The following NME8 variants were observed in gnomAD, a reference collection of about 807,000 sequenced individuals.
NME8 encodes NME/NM23 family member 8, also known as protein NME8.
A neutral mutation model predicts 82.3 loss-of-function variants in NME8; 72 were observed. That is an observed-to-expected ratio of 0.87 (90% CI 0.72 to 1.06). The LOEUF (loss-of-function observed/expected upper bound fraction) is 1.06, where lower values mean the gene tolerates loss of function less well. Ranked by LOEUF, NME8 falls within the 50% of genes least tolerant of loss-of-function variation. NME8 has a pLI of 0.00. For synonymous variants in NME8, 267 were observed against 228.5 expected (o/e 1.17, Z -1.52); for missense variants, 712 against 685.4 (o/e 1.04, Z -0.43).
chr7:37,866,852 G>T (rs773146445), intron 10 of NME8, among the ~76,000 whole-genome samples: 3 of 152,170 alleles, frequency 2.0e-5, no homozygotes, highest in Non-Finnish European at 4.4e-5. Context: ...GGAGACATGA[G>T]ACATCAATCA....
Position 37,867,866 on chromosome 7 carries a change from T to C in NME8, c.786T>C (p.Val262=), listed in dbSNP as rs779108426. Residue 262 remains valine, a synonymous_variant, in exon 11 of 18, where the codon GTT becomes GTC. Coordinates refer to ENST00000199447, the MANE Select transcript of NME8 (RefSeq NM_016616.5). ...SEDQPEVEAQ[V]TPGMMKNKQD... is the part of the protein sequence containing the mutation. ...ATCAACCTGAGGTCGAAGCCCAGGTTACACCTGGAATGATGAAGAACAAAC... is the reference window on the plus strand; with the variant it reads ...ATCAACCTGAGGTCGAAGCCCAGGTCACACCTGGAATGATGAAGAACAAAC... 13 of 1,613,696 alleles carry C rather than the reference T, an allele frequency of 8.1e-6. No homozygotes were observed. In the African/African-American group the frequency reaches 1.5e-4, roughly 18 times the overall value.
chr7:37,861,216 C>G (rs536479189), intron 6 of NME8, among the ~76,000 whole-genome samples: 3 of 152,342 alleles, frequency 2.0e-5, no homozygotes, highest in East Asian at 3.9e-4. Context: ...AGGCTGCGCA[C>G]AGTTTGGCTT....
intron 17 of NME8, among the ~76,000 whole-genome samples, 192 bp downstream of exon 17, chr7:37,897,299 G>T (rs563455554): frequency 6.6e-6 from 1 of 152,156 alleles, no homozygotes; most frequent in South Asian, 2.1e-4. Context: ...GCTGATGACC[G>T]TGGGGATTCT....
chr7:37,897,114 A>G lies in NME8; in HGVS notation c.*15+7A>G. ...CTAAAGTATATACTGTGAAGTACGT[A>G]CCTGTTTAATTATTATTTTATTTTA... On this transcript the variant is annotated splice_region_variant and intron_variant, in intron 17 of 17. Transcript: ENST00000199447. 6.8e-7 allele frequency: 1 copy of G among 1,472,398 alleles called. No individual in the cohort carries two copies. 91.2% of individuals were successfully genotyped at this position (1,472,398 alleles called of 1,614,324 possible).
At chr7:37,861,811 G>A (rs1004426745) in intron 6 of NME8, among the ~76,000 whole-genome samples, 1 of 152,176 alleles carries the variant, frequency 6.6e-6, no homozygotes, top group East Asian at 1.9e-4. Context: ...TGGAGGACAT[G>A]CAAATTGGAG....
chr7:37,869,876 C>T (rs946193546), intron 11 of NME8, among the ~76,000 whole-genome samples: 1 of 152,116 alleles, frequency 6.6e-6, no homozygotes, highest in Non-Finnish European at 1.5e-5. Flanking sequence ...CTCTGACTTG[C>T]CCCAGCACTC....
At chr7:37,877,035 G>A (rs201321796) in intron 12 of NME8, 28 bp downstream of exon 12, 8 of 1,571,918 alleles carry the variant, frequency 5.1e-6, no homozygotes, top group Admixed American at 3.3e-5. Context: ...AATTGTTTAA[G>A]TATTTTATAT....
chr7:37,893,673 A>G (rs965322200), intron 15 of NME8, among the ~76,000 whole-genome samples: 1 of 152,144 alleles, frequency 6.6e-6, no homozygotes, highest in Non-Finnish European at 1.5e-5. Context: ...TTGTTTTCTC[A>G]CCTGTGGTTC....
chr7:37,860,370 G>A (rs1264020809), intron 6 of NME8, among the ~76,000 whole-genome samples: 1 of 152,090 alleles, frequency 6.6e-6, no homozygotes, highest in Non-Finnish European at 1.5e-5. Context: ...CAAAATTGCT[G>A]TTGCTAATGT....
chr7:37,885,215 A>G lies in NME8; in HGVS notation c.1210A>G (p.Arg404Gly). The G allele has an allele frequency of 6.2e-7, 1 of 1,613,398 alleles. No individual in the cohort carries two copies. Among genetic ancestry groups the G allele is most frequent in the Admixed American group, 1.7e-5 (1 of 59,976 alleles). Reference protein sequence around the residue: ...LQYWKQLLGPRTVEEAIEYFP... With the variant: ...LQYWKQLLGPGTVEEAIEYFP... ...ATACTGGAAACAATTACTGGGACCA[A>G]GAACTGTTGAAGAAGCCATTGAATA... The change falls in exon 14 of 18, where the codon AGA becomes GGA. Residue 404 changes from arginine to glycine, a missense_variant. By Grantham distance (125) the Arg-to-Gly change is moderately radical. Coordinates refer to ENST00000199447, the MANE Select transcript of NME8 (RefSeq NM_016616.5).
At position 37,884,372 on chromosome 7, in the gene NME8, A is replaced by G. The variant is rs771482307; in HGVS notation, c.1064A>G (p.Glu355Gly). 1 of 1,605,002 alleles carries G rather than the reference A, an allele frequency of 6.2e-7. No individual in the cohort carries two copies. Residue 355 changes from glutamate to glycine, a missense_variant, in exon 13 of 18, where the codon GAA (glutamate) becomes GGA (glycine). Physicochemically the swap from Glu to Gly is moderately conservative, Grantham distance 98 (BLOSUM62 -2). Coordinates refer to ENST00000199447, the MANE Select transcript of NME8 (RefSeq NM_016616.5). ...GAGCAAAGACAAGTAGTATTATCGG[A>G]AAAAGAAGCACAAGCACTGTGCAAG... ...ILEQRQVVLS[E>G]KEAQALCKEY...
At chr7:37,854,454 T>C (rs1784482184) in intron 5 of NME8, among the ~76,000 whole-genome samples, 1 of 152,166 alleles carries the variant, frequency 6.6e-6, no homozygotes, top group Admixed American at 6.6e-5. Flanking sequence ...TGTAATTTTA[T>C]GGAAATACGT....
intron 14 of NME8, among the ~76,000 whole-genome samples, chr7:37,886,779 C>T (rs1049706411): frequency 6.6e-6 from 1 of 152,044 alleles, no homozygotes; most frequent in South Asian, 2.1e-4. Context: ...ATCACAGAGT[C>T]CAAGGGACTA....
At chr7:37,850,470 G>T (rs374519602) in intron 4 of NME8, 35 bp downstream of exon 4, 6 of 1,611,592 alleles carry the variant, frequency 3.7e-6, no homozygotes, top group South Asian at 3.3e-5. Flanking sequence ...GCCACCTGGG[G>T]TTTGACCCGG....
rs1562844245 is a variant in NME8 at position 37,896,963 on chromosome 7, AC to A, written c.1639del (p.Leu547PhefsTer12). The A allele has an allele frequency of 5.0e-6, 8 of 1,613,946 alleles. No homozygotes were observed. The highest frequency in any genetic ancestry group is 6.8e-6 in the Non-Finnish European group (8 of 1,179,904). ...GPTDPEEAKL[L>X]SPDSIRAQFG... ...CAACAGACCCAGAAGAAGCAAAATT[AC>A]TTTCCCCTGACTCCATCCGAGCCCA... On this transcript the variant is annotated frameshift_variant, in exon 17 of 18. Coordinates refer to ENST00000199447, the MANE Select transcript of NME8 (RefSeq NM_016616.5). LOFTEE classifies it high-confidence loss of function.
At chr7:37,893,168 G>C (rs902871175) in intron 15 of NME8, among the ~76,000 whole-genome samples, 3 of 151,992 alleles carry the variant, frequency 2.0e-5, no homozygotes, top group African/African-American at 7.3e-5. Context: ...GTTAACCTGA[G>C]CCACTTGCTG....
rs763491394 is a variant in NME8 at position 37,864,368 on chromosome 7, A to C, written c.475A>C (p.Ile159Leu). Residue 159 changes from isoleucine to leucine, a missense_variant, in exon 9 of 18, where the codon ATT becomes CTT. Ile to Leu is a conservative substitution (Grantham distance 5). Coordinates refer to ENST00000199447, the MANE Select transcript of NME8 (RefSeq NM_016616.5). ...ESVQELYSIA[I>L]IKPDAVISKK... ...TCCAGAGGAATTATACAGTATTGCT[A>C]TTATCAAACCGGATGCTGTGATTAG... 6.3e-7 allele frequency: 1 copy of C among 1,592,170 alleles called. No individual in the cohort carries two copies. Among genetic ancestry groups the C allele is most frequent in the Non-Finnish European group, 8.6e-7 (1 of 1,163,144 alleles).
chr7:37,880,239 G>A (rs571704542), intron 12 of NME8, among the ~76,000 whole-genome samples: 1 of 151,986 alleles, frequency 6.6e-6, no homozygotes, highest in African/African-American at 2.4e-5. Flanking sequence ...TTTTTGGATT[G>A]CGGTTTTAGT....
At chr7:37,859,594 T>A (rs1052671077) in intron 6 of NME8, among the ~76,000 whole-genome samples, 2 of 152,216 alleles carry the variant, frequency 1.3e-5, no homozygotes, top group Admixed American at 6.6e-5. Context: ...TTGCTATTAC[T>A]AGAGGTCTGT....
Sources: allele counts gnomAD v4.1 joint callset (sites outside exome capture counted in the v4.1 genomes callset), GRCh38; gene constraint gnomAD v4.1.1; transcripts MANE v1.5; gene names NCBI Gene and HGNC (gene_info 2026-07-23, HGNC 2026-07-21).